The following RGS6 variants were observed in gnomAD, a reference collection of about 807,000 sequenced individuals.
RGS6 encodes the protein regulator of G protein signaling 6.
Under a neutral mutation model 78.5 loss-of-function variants are expected in RGS6, and 30 were observed. The observed-to-expected ratio is 0.38, with a 90% CI of 0.29 to 0.52. The LOEUF is 0.52. Ranked by LOEUF, RGS6 falls within the 20% of genes least tolerant of loss-of-function variation. The pLI is 0.85. For missense variants in RGS6, 495 were observed against 609.7 expected (o/e 0.81, Z 1.98); for synonymous variants, 206 against 206.0 (o/e 1.00, Z 0.00).
chr14:72,135,379 C>G (rs1598186287), intron 2 of RGS6, among the ~76,000 whole-genome samples: 1 of 152,232 alleles, frequency 6.6e-6, no homozygotes, highest in African/African-American at 2.4e-5. Flanking sequence ...TGGGGCTCCC[C>G]TAAAGATAAA....
intron 2 of RGS6, among the ~76,000 whole-genome samples, chr14:72,020,286 C>G (rs184971650): frequency 2.0e-4 from 31 of 152,342 alleles, no homozygotes; most frequent in African/African-American, 7.5e-4. Context: ...GCCAAAGTGG[C>G]CATTGCAAGT....
intron 2 of RGS6, among the ~76,000 whole-genome samples, chr14:71,986,218 G>A (rs548895354): frequency 2.0e-5 from 3 of 152,144 alleles, no homozygotes; most frequent in South Asian, 4.2e-4. Context: ...TTATTTAAAT[G>A]TTCAATAGTT....
intron 2 of RGS6, among the ~76,000 whole-genome samples, chr14:72,037,765 G>A (rs781321739): frequency 1.3e-5 from 2 of 152,134 alleles, no homozygotes; most frequent in Non-Finnish European, 2.9e-5. Context: ...GGGAATACAC[G>A]TTACAGGGTG....
At chr14:72,101,550 T>A (rs1312624876) in intron 2 of RGS6, among the ~76,000 whole-genome samples, 4 of 152,170 alleles carry the variant, frequency 2.6e-5, no homozygotes, top group Non-Finnish European at 4.4e-5. Context: ...GCTTCTGAGG[T>A]CTCTCTGTCT....
chr14:72,008,814 A>G (rs542757746), intron 2 of RGS6, among the ~76,000 whole-genome samples: 14 of 152,272 alleles, frequency 9.2e-5, no homozygotes, highest in Non-Finnish European at 1.8e-4. Context: ...CTCATGAGAT[A>G]CTATGTAGAA....
Position 72,458,290 on chromosome 14 carries a change from G to A in RGS6, c.255G>A (p.Gly85=). Residue 85 remains glycine, a synonymous_variant, in exon 5 of 18, where the codon GGG becomes GGA. Coordinates refer to ENST00000553525, the MANE Select transcript of RGS6 (RefSeq NM_001204424.2). ...TTACAGTTGAAGCAATACACTTGGG[G>A]AGCCTTATCGCTGCCCAGGGCTACA... The part of the protein sequence containing the change: ...IEDPVEAIHL[G]SLIAAQGYIF... 1 of 1,613,674 alleles carries A rather than the reference G, an allele frequency of 6.2e-7. No individual in the cohort carries two copies. The highest frequency in any genetic ancestry group is 8.5e-7 in the Non-Finnish European group (1 of 1,179,610).
At chr14:72,117,231 A>G (rs575480545) in intron 2 of RGS6, among the ~76,000 whole-genome samples, 4 of 152,222 alleles carry the variant, frequency 2.6e-5, no homozygotes, top group African/African-American at 9.6e-5. Flanking sequence ...TGTCCCCTCC[A>G]AATCTCATAT....
intron 2 of RGS6, among the ~76,000 whole-genome samples, chr14:72,139,231 T>C (rs2096498155): frequency 6.6e-6 from 1 of 152,254 alleles, no homozygotes; most frequent in African/African-American, 2.4e-5. Flanking sequence ...AGATAGTTCC[T>C]GTGGTAAGAC....
intron 2 of RGS6, among the ~76,000 whole-genome samples, chr14:72,332,129 G>T (rs1340890171): frequency 6.6e-6 from 1 of 152,194 alleles, no homozygotes; most frequent in African/African-American, 2.4e-5. Flanking sequence ...TGGCCCCAGA[G>T]CTTCCTCTTG....
intron 2 of RGS6, among the ~76,000 whole-genome samples, chr14:72,163,571 T>C (rs891464951): frequency 6.6e-5 from 10 of 152,174 alleles, no homozygotes; most frequent in African/African-American, 2.4e-5. Context: ...CAAGAGACAC[T>C]TGGGATTTGT....
At chr14:72,467,681 C>T (rs975751711) in intron 7 of RGS6, among the ~76,000 whole-genome samples, 8 of 152,142 alleles carry the variant, frequency 5.3e-5, no homozygotes, top group Non-Finnish European at 8.8e-5. Flanking sequence ...GTCCAGAGCC[C>T]TCAGGACCTG....
intron 2 of RGS6, among the ~76,000 whole-genome samples, chr14:72,298,525 G>A (rs554413267): frequency 2.0e-4 from 28 of 138,388 alleles, no homozygotes; most frequent in African/African-American, 7.6e-4. Flanking sequence ...TCAGCTCACT[G>A]CAAGCTCCGC....
At chr14:72,368,430 G>C (rs1000552031) in intron 3 of RGS6, among the ~76,000 whole-genome samples, 5 of 152,128 alleles carry the variant, frequency 3.3e-5, no homozygotes, top group Non-Finnish European at 7.3e-5. Context: ...TAAATTTCAA[G>C]ATGAGTTTTG....
intron 2 of RGS6, among the ~76,000 whole-genome samples, chr14:72,036,877 T>TA (rs1288891276): frequency 6.6e-6 from 1 of 152,188 alleles, no homozygotes; most frequent in South Asian, 2.1e-4. Context: ...CCTTTAGTTA[T>TA]AAAAATTTTA....
chr14:72,144,294 G>T (rs1429158624), intron 2 of RGS6, among the ~76,000 whole-genome samples: 1 of 152,136 alleles, frequency 6.6e-6, no homozygotes, highest in Non-Finnish European at 1.5e-5. Context: ...AGCAGAGTTT[G>T]GGAATAATAA....
chr14:72,237,858 G>T (rs1429382410), intron 2 of RGS6, among the ~76,000 whole-genome samples: 1 of 152,158 alleles, frequency 6.6e-6, no homozygotes, highest in African/African-American at 2.4e-5. Flanking sequence ...GCCCTCGAGG[G>T]CATGTGTTAC....
intron 2 of RGS6, among the ~76,000 whole-genome samples, chr14:72,234,545 C>G (rs193302104): frequency 2.6e-4 from 39 of 152,222 alleles, no homozygotes; most frequent in African/African-American, 8.7e-4. Flanking sequence ...ACAGTGTAGG[C>G]TGAGTGAGGA....
chr14:72,114,117 C>T (rs1199188981), intron 2 of RGS6, among the ~76,000 whole-genome samples: 1 of 152,182 alleles, frequency 6.6e-6, no homozygotes. Context: ...TCAGTGTTCT[C>T]ATCTTTTCAC....
intron 3 of RGS6, among the ~76,000 whole-genome samples, chr14:72,418,856 C>G (rs1220461565): frequency 2.0e-5 from 3 of 152,224 alleles, no homozygotes; most frequent in East Asian, 1.9e-4. Flanking sequence ...AAGGCTGGCG[C>G]CTGGGCAGGT....
Sources: gnomAD v4.1 joint callset for allele counts (sites outside exome capture counted in the v4.1 genomes callset) on GRCh38, gnomAD v4.1.1 for gene constraint, MANE v1.5 for transcripts, NCBI Gene and HGNC (gene_info 2026-07-23, HGNC 2026-07-21) for gene names.